Variants in TSPAN14 observed in about 807,000 individuals in gnomAD.
TSPAN14 encodes tetraspanin-14.
TSPAN14 carries 16 observed loss-of-function variants against 36.6 expected under a neutral mutation model. That is an observed-to-expected ratio of 0.44 (90% CI 0.30 to 0.66). The LOEUF (loss-of-function observed/expected upper bound fraction) is 0.66, where lower values mean the gene tolerates loss of function less well. Ranked by LOEUF, TSPAN14 falls within the 30% of genes least tolerant of loss-of-function variation. The probability of loss-of-function intolerance (pLI) is 0.12; values close to 1 mark genes in which losing one functional copy is unlikely to be tolerated. For synonymous variants in TSPAN14, 139 were observed against 143.8 expected, an observed-to-expected ratio of 0.97 and a Z score of 0.24; for missense variants, 231 against 355.1, an observed-to-expected ratio of 0.65 and a Z score of 2.81.
chr10:80,514,177 G>A lies in TSPAN14; in HGVS notation c.621+114G>A. 3.2e-6 allele frequency: 3 copies of A among 933,228 alleles called. No homozygotes were observed. The South Asian group carries it at 4.4e-5, about 14-fold the overall frequency. 57.8% of individuals were successfully genotyped at this position (933,228 alleles called of 1,614,324 possible). A position where few individuals can be genotyped will look rare whatever the true frequency, so the allele number is the denominator to read the frequency against. Reference sequence around the variant, plus strand: ...AAGTGGGAAAACTCAGGGCAGTGAAGCTCTTGATGCCACCTAAGCTGAGCA... The same window carrying A: ...AAGTGGGAAAACTCAGGGCAGTGAAACTCTTGATGCCACCTAAGCTGAGCA... On this transcript the variant is annotated intron_variant, in intron 7 of 8. Transcript: ENST00000429989.
At chr10:80,486,811 T>C (rs1333837277) in intron 1 of TSPAN14, among the ~76,000 whole-genome samples, 1 of 152,220 alleles carries the variant, frequency 6.6e-6, no homozygotes, top group Non-Finnish European at 1.5e-5. Flanking sequence ...CTGTGATAAA[T>C]GTACTTGAGT....
chr10:80,476,430 T>G (rs1290046445), intron 1 of TSPAN14, among the ~76,000 whole-genome samples: 1 of 140,092 alleles, frequency 7.1e-6, no homozygotes. Context: ...TTTTTTTTTT[T>G]TTTGAGACGG....
intron 1 of TSPAN14, among the ~76,000 whole-genome samples, chr10:80,479,234 T>C (rs1397441745): frequency 6.6e-6 from 1 of 151,208 alleles, no homozygotes; most frequent in Non-Finnish European, 1.5e-5. Flanking sequence ...TTCTCCCATT[T>C]TGTAGGTTGC....
At chr10:80,515,268 C>T (rs1443673439) in intron 7 of TSPAN14, among the ~76,000 whole-genome samples, 3 of 152,108 alleles carry the variant, frequency 2.0e-5, no homozygotes, top group Admixed American at 6.5e-5. Context: ...AAGGTGCTGG[C>T]GAGGTGAGGT....
At chr10:80,476,718 A>G (rs1846936959) in intron 1 of TSPAN14, among the ~76,000 whole-genome samples, 1 of 151,940 alleles carries the variant, frequency 6.6e-6, no homozygotes, top group Admixed American at 6.6e-5. Flanking sequence ...TTTTACTTGT[A>G]TCATTTTTTG....
At chr10:80,484,005 A>G (rs1847451107) in intron 1 of TSPAN14, among the ~76,000 whole-genome samples, 1 of 147,248 alleles carries the variant, frequency 6.8e-6, no homozygotes, top group Non-Finnish European at 1.5e-5. Flanking sequence ...GCACTTTGGA[A>G]GGCCAAGGTG....
At chr10:80,464,409 G>GT (rs1846133166) in intron 1 of TSPAN14, among the ~76,000 whole-genome samples, 1 of 152,210 alleles carries the variant, frequency 6.6e-6, no homozygotes, top group African/African-American at 2.4e-5. Context: ...CCTGGGATGG[G>GT]TGGGGAAGGA....
intron 1 of TSPAN14, among the ~76,000 whole-genome samples, chr10:80,469,596 C>T (rs1404903080): frequency 1.3e-5 from 2 of 152,154 alleles, no homozygotes; most frequent in Non-Finnish European, 2.9e-5. Context: ...TTTCTCCTGA[C>T]TCTTGATTTC....
chr10:80,471,972 T>G (rs1463257262), intron 1 of TSPAN14, among the ~76,000 whole-genome samples: 1 of 152,022 alleles, frequency 6.6e-6, no homozygotes, highest in Non-Finnish European at 1.5e-5. Flanking sequence ...AGCAGGAGTT[T>G]GAGACCAGCC....
chr10:80,465,867 T>C (rs796880339), intron 1 of TSPAN14, among the ~76,000 whole-genome samples: 13 of 152,308 alleles, frequency 8.5e-5, no homozygotes, highest in African/African-American at 2.6e-4. Flanking sequence ...CTTCTTCACA[T>C]CTGAATCTCT....
At chr10:80,521,442 C>T (rs1841260078) in exon 9 of TSPAN14, 1 of 153,110 alleles carries the variant, frequency 6.5e-6, no homozygotes, top group Admixed American at 6.5e-5. Flanking sequence ...GCCTTTCCAG[C>T]TCTAGGGTCT....
exon 9 of TSPAN14, chr10:80,519,235 T>G (rs1489743295): frequency 6.5e-6 from 1 of 152,692 alleles, no homozygotes; most frequent in Non-Finnish European, 1.5e-5. Context: ...GCTCAGAAGC[T>G]CCAGGCATTT....
chr10:80,491,119 TC>T (rs549712690), intron 2 of TSPAN14, among the ~76,000 whole-genome samples: 58 of 152,302 alleles, frequency 3.8e-4, no homozygotes, highest in African/African-American at 1.3e-3. Context: ...GGATTTTCTG[TC>T]CTAGAGAAAT....
intron 1 of TSPAN14, among the ~76,000 whole-genome samples, chr10:80,482,028 C>T (rs907788964): frequency 6.6e-6 from 1 of 152,206 alleles, no homozygotes; most frequent in African/African-American, 2.4e-5. Context: ...GCTGGGATTA[C>T]AGGCGTGAGC....
chr10:80,482,326 G>A (rs1291421262), intron 1 of TSPAN14, among the ~76,000 whole-genome samples: 1 of 152,126 alleles, frequency 6.6e-6, no homozygotes, highest in East Asian at 1.9e-4. Context: ...TCGCTCTGTG[G>A]CTCAGGCTGG....
At chr10:80,505,114 C>T (rs1417611994) in intron 3 of TSPAN14, among the ~76,000 whole-genome samples, 1 of 152,230 alleles carries the variant, frequency 6.6e-6, no homozygotes, top group Non-Finnish European at 1.5e-5. Context: ...TCCCTGAATA[C>T]AGGCATGCTT....
At chr10:80,513,984 G>A (rs201688164) in intron 6 of TSPAN14, 35 bp from the exon 7 acceptor site, 268 of 1,603,908 alleles carry the variant, frequency 1.7e-4, no homozygotes, top group Middle Eastern at 6.6e-4. Flanking sequence ...TTCTTGAGAC[G>A]CCAGAAGCAA....
intron 2 of TSPAN14, among the ~76,000 whole-genome samples, chr10:80,493,873 A>AC (rs1035187342): frequency 6.6e-6 from 1 of 152,108 alleles, no homozygotes; most frequent in African/African-American, 2.4e-5. Context: ...GTTCATTTAT[A>AC]CCCCCCACTG....
chr10:80,520,456 A>T (rs558323452), exon 9 of TSPAN14: 7 of 432,986 alleles, frequency 1.6e-5, no homozygotes, highest in Non-Finnish European at 2.8e-5. Context: ...CTCCCCACCT[A>T]GCACTGGCCT....
Sources: gnomAD v4.1 joint callset for allele counts (sites outside exome capture counted in the v4.1 genomes callset) on GRCh38, gnomAD v4.1.1 for gene constraint, MANE v1.5 for transcripts, NCBI Gene and HGNC (gene_info 2026-07-23, HGNC 2026-07-21) for gene names.